Variants in YTHDF1 observed in about 807,000 individuals in gnomAD.
YTHDF1 encodes the protein YTH N6-methyladenosine RNA binding protein F1, also known as YTH domain-containing family protein 1.
YTHDF1 carries 16 observed loss-of-function variants against 49.1 expected under a neutral mutation model. That is an observed-to-expected ratio of 0.33 (90% CI 0.22 to 0.49). The LOEUF (loss-of-function observed/expected upper bound fraction) is 0.49, where lower values mean the gene tolerates loss of function less well. Among genes scored for constraint, YTHDF1 ranks in the 20% least tolerant of loss-of-function variants. The probability of loss-of-function intolerance (pLI) is 0.99; values close to 1 mark genes in which losing one functional copy is unlikely to be tolerated. For missense variants in YTHDF1, 621 were observed against 744.3 expected, an observed-to-expected ratio of 0.83 and a Z score of 1.93; for synonymous variants, 313 against 290.1, an observed-to-expected ratio of 1.08 and a Z score of -0.80.
In YTHDF1 at chr20:63,215,453, G is replaced by T. The variant is rs2066596944; in HGVS notation, c.52+124C>A. 4.4e-6 allele frequency: 6 copies of T among 1,356,610 alleles called. No individual in the cohort carries two copies. In the Admixed American group the frequency reaches 1.1e-4, roughly 26 times the overall value. 84.0% of individuals were successfully genotyped at this position (1,356,610 alleles called of 1,614,324 possible). ...TCCCAGAATCGTCGCACAACCTCAA[G>T]TTTTATCTCCCTGAAGCTGGCGGAA... is the stretch of plus-strand genomic sequence containing the variant. On this transcript the variant is annotated intron_variant, in intron 2 of 4. Coordinates refer to ENST00000370339, the MANE Select transcript of YTHDF1 (RefSeq NM_017798.4).
intron 3 of YTHDF1, among the ~76,000 whole-genome samples, chr20:63,210,655 G>A (rs757234770): frequency 2.0e-5 from 3 of 152,130 alleles, no homozygotes; most frequent in Non-Finnish European, 4.4e-5. Context: ...AGGCGTGGTG[G>A]CGCGTGCCTG....
chr20:63,206,671 G>C (rs535693892), intron 3 of YTHDF1, among the ~76,000 whole-genome samples: 2 of 152,370 alleles, frequency 1.3e-5, no homozygotes, highest in South Asian at 4.1e-4. Flanking sequence ...CACACAGGCA[G>C]GCTGGATACA....
rs1320416311 is a variant in YTHDF1 at position 63,202,926 on chromosome 20, A to G, written c.1014T>C (p.Phe338=). 1 of 1,614,074 alleles carries G rather than the reference A, an allele frequency of 6.2e-7. No individual in the cohort carries two copies. Among genetic ancestry groups the G allele is most frequent in the East Asian group, 2.2e-5 (1 of 44,890 alleles). The change falls in exon 4 of 5, where the codon TTT becomes TTC. Residue 338 remains phenylalanine, a synonymous_variant. Transcript: ENST00000370339. ...CGCTGCCAGCCCCTCCGCTCTGCCC[A>G]AACGCCGCGTTTCTGTTGCGTGGGG... is the stretch of plus-strand genomic sequence containing the variant. ...WVAPRNRNAA[F]GQSGGAGSDS...
At chr20:63,208,796 C>A (rs1431503162) in intron 3 of YTHDF1, among the ~76,000 whole-genome samples, 1 of 152,216 alleles carries the variant, frequency 6.6e-6, no homozygotes, top group Non-Finnish European at 1.5e-5. Flanking sequence ...TGCCCAGGCA[C>A]AGCAGGAAGC....
chr20:63,199,253 C>T (rs2066506709), intron 4 of YTHDF1, among the ~76,000 whole-genome samples: 2 of 152,310 alleles, frequency 1.3e-5, no homozygotes, highest in South Asian at 4.1e-4. Context: ...GGCGCAGTGG[C>T]TCACGCCTGT....
intron 2 of YTHDF1, among the ~76,000 whole-genome samples, chr20:63,214,341 C>T (rs980805758): frequency 6.6e-6 from 1 of 152,158 alleles, no homozygotes; most frequent in African/African-American, 2.4e-5. Context: ...GGGAAGAAAA[C>T]TTAGGAGGGA....
intron 3 of YTHDF1, among the ~76,000 whole-genome samples, chr20:63,206,548 G>A (rs2066547048): frequency 6.6e-6 from 1 of 152,162 alleles, no homozygotes; most frequent in African/African-American, 2.4e-5. Context: ...AAATCCTTCA[G>A]CTCCAGATCA....
intron 2 of YTHDF1, among the ~76,000 whole-genome samples, chr20:63,214,582 T>A (rs947804882): frequency 1.3e-5 from 2 of 152,206 alleles, no homozygotes; most frequent in African/African-American, 4.8e-5. Flanking sequence ...AAGATGTACA[T>A]TGGTTTGGTC....
chr20:63,205,281 C>T (rs2066540390), intron 3 of YTHDF1, among the ~76,000 whole-genome samples: 1 of 152,282 alleles, frequency 6.6e-6, no homozygotes, highest in African/African-American at 2.4e-5. Context: ...ACTGTGGGAT[C>T]CCAGACAATG....
rs141341817 is a variant in YTHDF1, at chr20:63,213,618, C to T, written c.132+246G>A. ...CACCACTGACCCACAAACACTAGAG[C>T]CAACTAGACCTGTTTGCATCCCAGC... On this transcript the variant is annotated intron_variant, in intron 3 of 4. Transcript: ENST00000370339. Among the ~76,000 whole-genome samples the T allele has an allele frequency of 1.9e-3, 282 of 152,284 alleles. 3 individuals are homozygous for T. Among genetic ancestry groups the T allele is most frequent in the African/African-American group, 5.8e-3 (242 of 41,544 alleles).
At chr20:63,205,835 A>C (rs750714976) in intron 3 of YTHDF1, among the ~76,000 whole-genome samples, 35 of 152,152 alleles carry the variant, frequency 2.3e-4, no homozygotes, top group Non-Finnish European at 4.1e-4. Flanking sequence ...AAATGCACTA[A>C]CTGCTGTTTC....
chr20:63,209,812 C>A (rs2066565422), intron 3 of YTHDF1, among the ~76,000 whole-genome samples: 1 of 152,162 alleles, frequency 6.6e-6, no homozygotes, highest in African/African-American at 2.4e-5. Context: ...CACATCTTGC[C>A]CCACTGGAAG....
rs545992506 is a variant in YTHDF1, at chr20:63,213,445, GA to G, written c.132+418del. Among the ~76,000 whole-genome samples, 62 of 152,228 alleles carry G rather than the reference GA, an allele frequency of 4.1e-4. No individual in the cohort carries two copies. The South Asian group carries it at 0.012, about 30-fold the overall frequency. ...GAGACGCTGTCTCAAAAAAAGGACTGAAACCCAGGCGGCCTCTGGCTCCACA... is the reference window on the plus strand; with the variant it reads ...GAGACGCTGTCTCAAAAAAAGGACTGAACCCAGGCGGCCTCTGGCTCCACA... On this transcript the variant is annotated intron_variant, in intron 3 of 4. Coordinates refer to ENST00000370339, the MANE Select transcript of YTHDF1 (RefSeq NM_017798.4).
At chr20:63,200,078 A>T (rs2122973008) in intron 4 of YTHDF1, among the ~76,000 whole-genome samples, 1 of 152,052 alleles carries the variant, frequency 6.6e-6, no homozygotes, top group East Asian at 1.9e-4. Context: ...AAGCTATTTG[A>T]GGCGGGGCAC....
At chr20:63,196,836 T>G in intron 4 of YTHDF1, 102 bp from the exon 5 acceptor site, 1 of 1,383,946 alleles carries the variant, frequency 7.2e-7, no homozygotes, top group Admixed American at 1.9e-5. Context: ...CCTGCAAATC[T>G]GGAGGCGGGA....
intron 3 of YTHDF1, among the ~76,000 whole-genome samples, chr20:63,211,600 C>T (rs1317452069): frequency 6.6e-6 from 1 of 152,184 alleles, no homozygotes; most frequent in Non-Finnish European, 1.5e-5. Context: ...CACCCACTGA[C>T]ATAAAAATAA....
At chr20:63,208,681 A>G (rs1030957231) in intron 3 of YTHDF1, among the ~76,000 whole-genome samples, 1 of 152,228 alleles carries the variant, frequency 6.6e-6, no homozygotes, top group South Asian at 2.1e-4. Context: ...CCTACTTAGC[A>G]GGCGCTGCCA....
chr20:63,196,382 C>T lies in YTHDF1; in HGVS notation c.*326G>A. ...AAGGGATGAGAAATATGAAGTCTCA[C>T]AGAATATCAAATGACTGAATTTAAG... On this transcript the variant is annotated 3_prime_UTR_variant, in exon 5 of 5. Coordinates refer to ENST00000370339, the MANE Select transcript of YTHDF1 (RefSeq NM_017798.4). 1 of 220,114 alleles carries T rather than the reference C, an allele frequency of 4.5e-6. No individual in the cohort carries two copies. Among genetic ancestry groups the T allele is most frequent in the Non-Finnish European group, 8.9e-6 (1 of 112,436 alleles). 13.6% of individuals were successfully genotyped at this position (220,114 alleles called of 1,614,324 possible). A position where few individuals can be genotyped will look rare whatever the true frequency, so the allele number is the denominator to read the frequency against.
intron 4 of YTHDF1, among the ~76,000 whole-genome samples, chr20:63,199,892 C>CTA (rs2066509914): frequency 6.6e-6 from 1 of 151,992 alleles, no homozygotes; most frequent in Admixed American, 6.5e-5. Flanking sequence ...GACACTGATT[C>CTA]TACAAAAAAA....
Sources: allele counts gnomAD v4.1 joint callset (sites outside exome capture counted in the v4.1 genomes callset), GRCh38; gene constraint gnomAD v4.1.1; transcripts MANE v1.5; gene names NCBI Gene and HGNC (gene_info 2026-07-23, HGNC 2026-07-21).